The following NUP160 variants were observed in gnomAD, a reference collection of about 807,000 sequenced individuals.
NUP160 encodes the protein nuclear pore complex protein Nup160.
NUP160 carries 94 observed loss-of-function variants against 196.9 expected under a neutral mutation model. The observed-to-expected ratio is 0.48, with a 90% CI of 0.40 to 0.57. The LOEUF is 0.57. Among genes scored for constraint, NUP160 ranks in the 20% least tolerant of loss-of-function variants. The pLI, the probability that NUP160 is intolerant of heterozygous loss-of-function variation, is 0.00. For synonymous variants in NUP160, 605 were observed against 619.7 expected (o/e 0.98, Z 0.35); for missense variants, 1,638 against 1,748.3 (o/e 0.94, Z 1.13).
intron 34 of NUP160, among the ~76,000 whole-genome samples, chr11:47,780,956 G>T (rs866394307): frequency 2.6e-5 from 4 of 152,050 alleles, no homozygotes; most frequent in Non-Finnish European, 4.4e-5. Flanking sequence ...AAAAATTCAT[G>T]TCGGCTGGGC....
chr11:47,847,441 T>A (rs1852420168), intron 2 of NUP160, among the ~76,000 whole-genome samples: 1 of 152,154 alleles, frequency 6.6e-6, no homozygotes, highest in South Asian at 2.1e-4. Flanking sequence ...TCTTGCATGA[T>A]GAAAATTGCA....
chr11:47,815,862 A>T lies in NUP160; in HGVS notation c.1515+84T>A. ...TTCCAACAAACAAGGTCAAGTGAAGAATTCCAGTAATTCCTCGGTCAGTAC... is the reference window on the plus strand; with the variant it reads ...TTCCAACAAACAAGGTCAAGTGAAGTATTCCAGTAATTCCTCGGTCAGTAC... On this transcript the variant is annotated intron_variant, in intron 12 of 35. Transcript: ENST00000378460. 4 of 1,118,330 alleles carry T rather than the reference A, an allele frequency of 3.6e-6. No individual in the cohort carries two copies. In the South Asian group the frequency reaches 5.5e-5, roughly 15 times the overall value. 69.3% of individuals were successfully genotyped at this position (1,118,330 alleles called of 1,614,324 possible).
chr11:47,801,416 T>C (rs1463712852), intron 23 of NUP160, among the ~76,000 whole-genome samples: 1 of 152,132 alleles, frequency 6.6e-6, no homozygotes, highest in Non-Finnish European at 1.5e-5. Context: ...AGTGGCACGA[T>C]CTTGGCTCAC....
rs1200434915 is a variant in NUP160, at chr11:47,819,358, T to C, written c.1362+16A>G. 7.2e-6 allele frequency: 11 copies of C among 1,537,558 alleles called. No homozygotes were observed. The highest frequency in any genetic ancestry group is 9.9e-6 in the Non-Finnish European group (11 of 1,111,512). The stretch of plus-strand genomic sequence containing the variant: ...AGTAAATCATTCCCTTATATAACAT[T>C]TGAGCATCTACTTACTCTGGGGTCT... On this transcript the variant is annotated intron_variant, in intron 10 of 35. Transcript: ENST00000378460.
At chr11:47,818,766 A>G (rs1436997866) in intron 10 of NUP160, among the ~76,000 whole-genome samples, 1 of 152,240 alleles carries the variant, frequency 6.6e-6, no homozygotes, top group Non-Finnish European at 1.5e-5. Flanking sequence ...CAACAGTTTT[A>G]GTAATCAGCA....
chr11:47,788,173 T>G lies in NUP160; in HGVS notation c.3746+9A>C. 6.2e-7 allele frequency: 1 copy of G among 1,604,018 alleles called. No homozygotes were observed. Among genetic ancestry groups the G allele is most frequent in the Non-Finnish European group, 8.5e-7 (1 of 1,175,120 alleles). On this transcript the variant is annotated intron_variant, in intron 31 of 35. Transcript: ENST00000378460. ...AGAAAAGACTATAAAAAAATAATTT[T>G]ATACATACTTGAAGGCAAGCCCTTC...
chr11:47,802,224 A>C (rs568301753), intron 22 of NUP160, among the ~76,000 whole-genome samples: 1 of 151,960 alleles, frequency 6.6e-6, no homozygotes, highest in East Asian at 1.9e-4. Context: ...CGAGGTGAGG[A>C]GTTTGAGACC....
chr11:47,799,753 C>A (rs143576281), intron 23 of NUP160, among the ~76,000 whole-genome samples: 210 of 151,802 alleles, frequency 1.4e-3, no homozygotes, highest in African/African-American at 4.7e-3. Context: ...CCTATGTTGT[C>A]TGGGCTAATC....
At chr11:47,847,992 G>T in intron 1 of NUP160, 33 bp from the exon 2 acceptor site, 1 of 1,526,980 alleles carries the variant, frequency 6.5e-7, no homozygotes, top group Non-Finnish European at 9.1e-7. Flanking sequence ...CTGCACACGC[G>T]TCTTCTGAGA....
intron 2 of NUP160, chr11:47,841,570 T>A (rs771662879): frequency 1.2e-4 from 52 of 429,162 alleles, no homozygotes; most frequent in South Asian, 9.9e-4. Context: ...CTGGGATGGA[T>A]CTACGAGTTT....
At chr11:47,811,354 C>G (rs2097680985) in intron 17 of NUP160, among the ~76,000 whole-genome samples, 1 of 151,654 alleles carries the variant, frequency 6.6e-6, no homozygotes, top group South Asian at 2.1e-4. Context: ...ACTAAAAATA[C>G]AAAAATTAGC....
intron 7 of NUP160, among the ~76,000 whole-genome samples, chr11:47,826,054 T>C (rs1257565664): frequency 3.9e-5 from 6 of 152,224 alleles, no homozygotes; most frequent in Admixed American, 1.3e-4. Context: ...TTATATCCAT[T>C]GTAGCCTGAA....
chr11:47,843,678 G>C (rs1034248558), intron 2 of NUP160, among the ~76,000 whole-genome samples: 2 of 152,194 alleles, frequency 1.3e-5, no homozygotes, highest in Non-Finnish European at 2.9e-5. Flanking sequence ...TAGAAGCCAG[G>C]AATGCTGCTT....
At chr11:47,844,371 C>T (rs1408321419) in intron 2 of NUP160, among the ~76,000 whole-genome samples, 1 of 152,154 alleles carries the variant, frequency 6.6e-6, no homozygotes, top group Non-Finnish European at 1.5e-5. Flanking sequence ...TTACTCAGAG[C>T]AAAAGCCAAA....
At chr11:47,829,914 T>A (rs1354191819) in intron 7 of NUP160, among the ~76,000 whole-genome samples, 2 of 152,178 alleles carry the variant, frequency 1.3e-5, no homozygotes, top group African/African-American at 2.4e-5. Context: ...AAAGAAACTT[T>A]CAGCAGAGTA....
At chr11:47,829,938 C>T (rs1046956361) in intron 7 of NUP160, among the ~76,000 whole-genome samples, 2 of 152,166 alleles carry the variant, frequency 1.3e-5, no homozygotes, top group Non-Finnish European at 2.9e-5. Flanking sequence ...AGACAACTTA[C>T]AGAATGGGAG....
intron 7 of NUP160, among the ~76,000 whole-genome samples, chr11:47,834,780 A>G (rs956297994): frequency 8.5e-5 from 13 of 152,152 alleles, no homozygotes; most frequent in African/African-American, 3.1e-4. Flanking sequence ...GCCTAGGGAC[A>G]TAAGAAGACT....
chr11:47,815,544 C>T (rs1221646787), exon 13 of NUP160: 2 of 1,612,296 alleles, frequency 1.2e-6, no homozygotes, highest in Non-Finnish European at 1.7e-6. Flanking sequence ...TGAGAGAGGG[C>T]TTCTTGATAC....
At chr11:47,812,489 T>C (rs1325896894) in intron 15 of NUP160, 60 bp from the exon 16 acceptor site, 6 of 1,493,128 alleles carry the variant, frequency 4.0e-6, no homozygotes, top group Non-Finnish European at 5.5e-6. Flanking sequence ...AAGTTCTATA[T>C]GTCCTATAAG....
Sources: allele counts gnomAD v4.1 joint callset (sites outside exome capture counted in the v4.1 genomes callset), GRCh38; gene constraint gnomAD v4.1.1; transcripts MANE v1.5; gene names NCBI Gene and HGNC (gene_info 2026-07-23, HGNC 2026-07-21).